LHCGR: variants seen among roughly 807,000 people sequenced by gnomAD.
LHCGR encodes the protein lutropin-choriogonadotropic hormone receptor.
In LHCGR, 55 loss-of-function variants were observed where a neutral mutation model predicts 60.7. That is an observed-to-expected ratio of 0.91 (90% CI 0.73 to 1.13). The LOEUF (loss-of-function observed/expected upper bound fraction) is 1.13, where lower values mean the gene tolerates loss of function less well. Among genes scored for constraint, LHCGR ranks in the 50% most tolerant of loss-of-function variants. LHCGR has a pLI of 0.00. For missense variants in LHCGR, 862 were observed against 836.0 expected (o/e 1.03, Z -0.38); for synonymous variants, 337 against 316.5 (o/e 1.06, Z -0.69).
intron 8 of LHCGR, among the ~76,000 whole-genome samples, chr2:48,699,855 G>C (rs375579327): frequency 6.6e-6 from 1 of 152,222 alleles, no homozygotes; most frequent in South Asian, 2.1e-4. Flanking sequence ...AACACATTAA[G>C]TGTTAGGAGA....
chr2:48,708,686 G>C, intron 8 of LHCGR: 1 of 573,950 alleles, frequency 1.7e-6, no homozygotes, highest in Non-Finnish European at 3.1e-6. Context: ...ACAGCCCTCA[G>C]AGGGAGCCAA....
At position 48,688,635 on chromosome 2, in the gene LHCGR, G is replaced by T. The variant is rs780828027; in HGVS notation, c.1162C>A (p.Arg388Ser). Residue 388 changes from arginine to serine, a missense_variant, in exon 11 of 11, where the codon CGT becomes AGT. Transcript: ENST00000294954. This position sits in a 1 kb window ranked among gnomAD's most constrained non-coding sequence, Gnocchi z 5.2. ...AAACGAGGCACTGTAAGTTTGTAAC[G>T]ACTTGTCAGGAGAACAAAAAGAACA... ...MTVLFVLLTS[R>S]YKLTVPRFLM... The T allele has an allele frequency of 6.2e-7, 1 of 1,614,114 alleles. No homozygotes were observed. The highest frequency in any genetic ancestry group is 1.3e-5 in the African/African-American group (1 of 75,020).
intron 1 of LHCGR, chr2:48,733,141 C>CAGCCAA: frequency 2.8e-6 from 1 of 352,868 alleles, no homozygotes; most frequent in Non-Finnish European, 5.7e-6. Context: ...ATAAAACTGA[C>CAGCCAA]AGCCAAATTC....
chr2:48,739,642 T>C (rs1380762386), intron 1 of LHCGR, among the ~76,000 whole-genome samples: 1 of 147,702 alleles, frequency 6.8e-6, no homozygotes, highest in East Asian at 2.0e-4. Context: ...AAGGGGAACA[T>C]CACACACTGG....
intron 8 of LHCGR, among the ~76,000 whole-genome samples, chr2:48,707,901 G>A (rs1412091507): frequency 2.0e-5 from 3 of 152,180 alleles, no homozygotes; most frequent in South Asian, 2.1e-4. Context: ...ATTTGGTCAG[G>A]AGTGTATCGT....
chr2:48,696,390 T>G (rs911380392), intron 9 of LHCGR, among the ~76,000 whole-genome samples: 1 of 152,216 alleles, frequency 6.6e-6, no homozygotes, highest in Non-Finnish European at 1.5e-5. Flanking sequence ...CTGAGGGCAG[T>G]AGGGTGCAAG....
At chr2:48,753,810 G>A (rs1199341568) in intron 1 of LHCGR, among the ~76,000 whole-genome samples, 3 of 151,654 alleles carry the variant, frequency 2.0e-5, no homozygotes, top group African/African-American at 7.3e-5. Flanking sequence ...AACTGAGTGT[G>A]TGTGTGTGTG....
At chr2:48,713,048 A>G (rs557038457) in intron 7 of LHCGR, among the ~76,000 whole-genome samples, 2 of 152,200 alleles carry the variant, frequency 1.3e-5, no homozygotes, top group South Asian at 2.1e-4. Flanking sequence ...CAGCATCAGC[A>G]TCTCCTGAAG....
rs143466081 is a variant in LHCGR, at chr2:48,688,172, A to G, written c.1625T>C (p.Ile542Thr). 1.9e-5 allele frequency: 31 copies of G among 1,614,172 alleles called. No individual in the cohort carries two copies. Among genetic ancestry groups the G allele is most frequent in the Non-Finnish European group, 2.5e-5 (30 of 1,180,008 alleles). Residue 542 changes from isoleucine to threonine, a missense_variant, in exon 11 of 11, where the codon ATT becomes ACT. Ile to Thr is a moderately conservative substitution (Grantham distance 89). Coordinates refer to ENST00000294954, the MANE Select transcript of LHCGR (RefSeq NM_000233.4). The surrounding 1 kb of genome is among the most constrained non-coding windows in gnomAD (Gnocchi z 5.2). ...LILNVVAFFI[I>T]CACYIKIYFA... is the part of the protein sequence containing the mutation. ...ATAAATTTTAATGTAGCAAGCACAA[A>G]TTATGAAGAAGGCCACCACATTGAG... is the stretch of plus-strand genomic sequence containing the variant.
intron 8 of LHCGR, among the ~76,000 whole-genome samples, chr2:48,700,164 T>C (rs1224329216): frequency 6.6e-6 from 1 of 152,228 alleles, no homozygotes; most frequent in East Asian, 1.9e-4. Context: ...TTCTGCTTTA[T>C]AGGGTTTTTA....
At chr2:48,752,997 T>TGGGTGGGGGGGGTG (rs1670046592) in intron 1 of LHCGR, among the ~76,000 whole-genome samples, 1 of 18,436 alleles carries the variant, frequency 5.4e-5, no homozygotes, top group Non-Finnish European at 9.8e-5. Context: ...GGGGGGGGGG[T>TGGGTGGGGGGGGTG]GGGGAAGGGA....
chr2:48,725,177 A>C (rs554294473), intron 4 of LHCGR, among the ~76,000 whole-genome samples: 105 of 152,318 alleles, frequency 6.9e-4, no homozygotes, highest in Non-Finnish European at 1.1e-3. Context: ...GAAGTGGAAA[A>C]TAATGATTTA....
At chr2:48,714,124 C>T in intron 6 of LHCGR, 70 bp from the exon 7 acceptor site, 3 of 1,077,340 alleles carry the variant, frequency 2.8e-6, no homozygotes, top group Non-Finnish European at 4.3e-6. Context: ...CACATTTTTC[C>T]TCCTGTAACA....
chr2:48,740,869 G>A (rs1199211365), intron 1 of LHCGR, among the ~76,000 whole-genome samples: 1 of 152,188 alleles, frequency 6.6e-6, no homozygotes, highest in Admixed American at 6.5e-5. Flanking sequence ...GAGAGAAGAA[G>A]GCTTCAGACA....
intron 7 of LHCGR, among the ~76,000 whole-genome samples, chr2:48,711,035 TC>T (rs530088114): frequency 2.8e-4 from 42 of 152,260 alleles, no homozygotes; most frequent in South Asian, 8.3e-4. Flanking sequence ...CACACTGGCC[TC>T]CCCTCAATTC....
At chr2:48,728,833 AT>A (rs1668860149) in intron 3 of LHCGR, among the ~76,000 whole-genome samples, 1 of 152,026 alleles carries the variant, frequency 6.6e-6, no homozygotes, top group African/African-American at 2.4e-5. Context: ...TCTTTTCCAA[AT>A]TTTCCCACTA....
chr2:48,740,154 G>A (rs893172354), intron 1 of LHCGR, among the ~76,000 whole-genome samples: 2 of 152,230 alleles, frequency 1.3e-5, no homozygotes, highest in African/African-American at 4.8e-5. Flanking sequence ...AACGGTGCAC[G>A]AGGAGATTAT....
chr2:48,710,150 A>G (rs943362936), intron 7 of LHCGR, among the ~76,000 whole-genome samples: 1 of 152,122 alleles, frequency 6.6e-6, no homozygotes, highest in Non-Finnish European at 1.5e-5. Context: ...CATTTCTACT[A>G]AGCATTTTCT....
At chr2:48,740,613 A>AGCT (rs1206918045) in intron 1 of LHCGR, among the ~76,000 whole-genome samples, 3 of 152,142 alleles carry the variant, frequency 2.0e-5, no homozygotes, top group Non-Finnish European at 4.4e-5. Flanking sequence ...GTACTCCAAC[A>AGCT]GACCTGCAGC....
Sources: allele counts gnomAD v4.1 joint callset (sites outside exome capture counted in the v4.1 genomes callset), GRCh38; gene constraint gnomAD v4.1.1; non-coding constraint Gnocchi (gnomAD v3.1); transcripts MANE v1.5; gene names NCBI Gene and HGNC (gene_info 2026-07-23, HGNC 2026-07-21).